The following MTUS1 variants were observed in gnomAD, a reference collection of about 807,000 sequenced individuals.
MTUS1 encodes microtubule associated scaffold protein 1.
In MTUS1, 109 loss-of-function variants were observed where a neutral mutation model predicts 120.8. The ratio of observed to expected loss-of-function variants is 0.90; its 90% CI spans 0.77 to 1.06. MTUS1 has a LOEUF of 1.06. Among genes scored for constraint, MTUS1 ranks in the 50% least tolerant of loss-of-function variants. The probability of loss-of-function intolerance (pLI) is 0.00; values close to 1 mark genes in which losing one functional copy is unlikely to be tolerated. For synonymous variants in MTUS1, 737 were observed against 550.5 expected (o/e 1.34, Z -4.74); for missense variants, 2,210 against 1,486.3 (o/e 1.49, Z -8.01).
At chr8:17,663,563 T>C (rs1477534025) in intron 8 of MTUS1, among the ~76,000 whole-genome samples, 2 of 151,900 alleles carry the variant, frequency 1.3e-5, no homozygotes, top group Non-Finnish European at 2.9e-5. Flanking sequence ...TTGAGCAAAT[T>C]ACTTAAACTT....
intron 13 of MTUS1, among the ~76,000 whole-genome samples, chr8:17,647,904 G>A (rs950137591): frequency 2.0e-5 from 3 of 152,168 alleles, no homozygotes; most frequent in Non-Finnish European, 4.4e-5. Flanking sequence ...GGACTAACGC[G>A]CTTTGAGTAT....
chr8:17,795,993 A>G (rs141397755), intron 1 of MTUS1, among the ~76,000 whole-genome samples: 3 of 151,326 alleles, frequency 2.0e-5, no homozygotes, highest in African/African-American at 4.9e-5. Context: ...TCTGTTGGCC[A>G]GGCTGGAGGG....
At chr8:17,695,477 G>A (rs1197545751) in intron 6 of MTUS1, among the ~76,000 whole-genome samples, 1 of 152,146 alleles carries the variant, frequency 6.6e-6, no homozygotes, top group Admixed American at 6.5e-5. Context: ...AATTATGACT[G>A]CAAATAAACA....
At chr8:17,689,803 C>CAA (rs754128938) in intron 6 of MTUS1, among the ~76,000 whole-genome samples, 58 of 151,926 alleles carry the variant, frequency 3.8e-4, no homozygotes, top group Non-Finnish European at 8.4e-4. Context: ...ACACCCTATT[C>CAA]AATAAATGGT....
At chr8:17,704,288 C>T (rs915188439) in intron 6 of MTUS1, 3 of 152,172 alleles carry the variant, frequency 2.0e-5, no homozygotes, top group Admixed American at 2.0e-4. Context: ...GATTTTTAAT[C>T]TGATGTACTC....
intron 3 of MTUS1, among the ~76,000 whole-genome samples, chr8:17,731,266 C>T (rs529793430): frequency 3.5e-4 from 53 of 152,206 alleles, no homozygotes; most frequent in East Asian, 1.2e-3. Flanking sequence ...CGAGGTAGAT[C>T]GTCTAGGTTC....
At chr8:17,750,965 C>G (rs1029917422) in intron 2 of MTUS1, among the ~76,000 whole-genome samples, 20 of 152,188 alleles carry the variant, frequency 1.3e-4, no homozygotes, top group Non-Finnish European at 1.5e-5. Context: ...TGCAGGCAGT[C>G]TAGGGATTCA....
intron 1 of MTUS1, among the ~76,000 whole-genome samples, chr8:17,770,983 T>C (rs1455456285): frequency 6.6e-6 from 1 of 152,014 alleles, no homozygotes; most frequent in African/African-American, 2.4e-5. Context: ...ATTTGGATAA[T>C]GAAAAAGAAA....
intron 6 of MTUS1, among the ~76,000 whole-genome samples, chr8:17,686,369 A>T (rs547436350): frequency 5.9e-5 from 9 of 152,266 alleles, no homozygotes; most frequent in African/African-American, 2.2e-4. Context: ...TAAGCCCATT[A>T]TCTGATAACT....
intron 3 of MTUS1, among the ~76,000 whole-genome samples, chr8:17,735,526 G>GA (rs1674316905): frequency 6.6e-6 from 1 of 152,222 alleles, no homozygotes; most frequent in Non-Finnish European, 1.5e-5. Flanking sequence ...CTCCAGGCAT[G>GA]CTGACTCTGG....
intron 2 of MTUS1, among the ~76,000 whole-genome samples, chr8:17,753,227 G>C (rs1361596132): frequency 6.6e-6 from 1 of 152,114 alleles, no homozygotes; most frequent in South Asian, 2.1e-4. Context: ...GAAAAATCAA[G>C]AACACTCTTG....
At chr8:17,800,733 T>TGAGAAGGGGCCCTGC (rs2052618501) in intron 1 of MTUS1, 1 of 152,292 alleles carries the variant, frequency 6.6e-6, no homozygotes, top group African/African-American at 2.4e-5. Flanking sequence ...TTGCTTCTGC[T>TGAGAAGGGGCCCTGC]GAGAAGGGGC....
At chr8:17,682,307 G>A (rs1019068567) in intron 7 of MTUS1, among the ~76,000 whole-genome samples, 1 of 152,124 alleles carries the variant, frequency 6.6e-6, no homozygotes, top group African/African-American at 2.4e-5. Flanking sequence ...CCTGAGGTCA[G>A]GAGTTCAAGA....
At chr8:17,774,188 A>G (rs2050227205) in intron 1 of MTUS1, among the ~76,000 whole-genome samples, 1 of 152,214 alleles carries the variant, frequency 6.6e-6, no homozygotes, top group Admixed American at 6.5e-5. Flanking sequence ...TCTGTTAAGA[A>G]GCTCCCAGGC....
At chr8:17,656,252 G>A (rs1306777879) in intron 8 of MTUS1, among the ~76,000 whole-genome samples, 187 bp from the exon 9 acceptor site, 1 of 152,168 alleles carries the variant, frequency 6.6e-6, no homozygotes, top group Admixed American at 6.5e-5. Context: ...CGAGGGCAGG[G>A]CGCAGTGGCT....
intron 6 of MTUS1, among the ~76,000 whole-genome samples, chr8:17,686,333 GTAA>G (rs982985399): frequency 2.6e-5 from 4 of 152,316 alleles, no homozygotes; most frequent in African/African-American, 9.6e-5. Flanking sequence ...TGCAACAAAT[GTAA>G]TAATATCTTG....
intron 1 of MTUS1, among the ~76,000 whole-genome samples, chr8:17,767,717 A>C (rs1054058670): frequency 2.1e-4 from 24 of 114,430 alleles, no homozygotes; most frequent in Non-Finnish European, 4.0e-4. Context: ...AAAAAAAAAA[A>C]ACGGTGTGAA....
chr8:17,746,548 T>A (rs774416352), intron 2 of MTUS1, among the ~76,000 whole-genome samples: 1 of 152,102 alleles, frequency 6.6e-6, no homozygotes, highest in Non-Finnish European at 1.5e-5. Flanking sequence ...TTTCCCCTTA[T>A]AAAACCATCA....
rs753178033 is a variant in MTUS1, at chr8:17,755,190, G to A, written c.618C>T (p.Ser206=). The change falls in exon 2 of 15, where the codon TCC becomes TCT. Residue 206 remains serine (S), a synonymous_variant. Transcript: ENST00000693296. ...RSGSTSSLSY[S]TWTSSHSDKT... The stretch of plus-strand genomic sequence containing the variant: ...TATCAGAATGGGAAGATGTCCAAGT[G>A]GAATAGGATAAAGAAGATGTACTTC... 6.8e-6 allele frequency: 11 copies of A among 1,614,180 alleles called. No individual in the cohort carries two copies. The highest frequency in any genetic ancestry group is 6.7e-5 in the African/African-American group (5 of 75,040).
Sources: gnomAD v4.1 joint callset for allele counts (sites outside exome capture counted in the v4.1 genomes callset) on GRCh38, gnomAD v4.1.1 for gene constraint, MANE v1.5 for transcripts, NCBI Gene and HGNC (gene_info 2026-07-23, HGNC 2026-07-21) for gene names.